Variants in TECRL observed in about 807,000 individuals in gnomAD.
TECRL encodes the protein trans-2,3-enoyl-CoA reductase like, also known as trans-2,3-enoyl-CoA reductase-like.
In TECRL, 63 loss-of-function variants were observed where a neutral mutation model predicts 52.8. The ratio of observed to expected loss-of-function variants is 1.19; its 90% CI spans 0.97 to 1.47. The LOEUF is 1.47. Ranked by LOEUF, TECRL falls within the 40% of genes most tolerant of loss-of-function variation. The pLI, the probability that TECRL is intolerant of heterozygous loss-of-function variation, is 0.00. For missense variants in TECRL, 482 were observed against 429.6 expected (o/e 1.12, Z -1.08); for synonymous variants, 164 against 141.9 (o/e 1.16, Z -1.10).
chr4:64,345,517 A>G (rs1719888268), intron 2 of TECRL, among the ~76,000 whole-genome samples: 2 of 126,402 alleles, frequency 1.6e-5, no homozygotes, highest in South Asian at 2.7e-4. Context: ...ACATGGACAC[A>G]GGAAGAGGAA....
At chr4:64,403,203 A>T (rs1186862472) in intron 1 of TECRL, among the ~76,000 whole-genome samples, 1 of 151,900 alleles carries the variant, frequency 6.6e-6, no homozygotes. Flanking sequence ...ATTGTTCTTT[A>T]CAAATGTATC....
At chr4:64,402,455 TA>T (rs1199138118) in intron 1 of TECRL, among the ~76,000 whole-genome samples, 15 of 152,178 alleles carry the variant, frequency 9.9e-5, no homozygotes, top group African/African-American at 3.4e-4. Flanking sequence ...CACTCCTAAC[TA>T]TTGGATTATA....
intron 1 of TECRL, among the ~76,000 whole-genome samples, chr4:64,395,375 A>G (rs576904469): frequency 1.2e-4 from 18 of 152,286 alleles, no homozygotes; most frequent in African/African-American, 4.3e-4. Flanking sequence ...TAATTTTATG[A>G]GGAAAGAAAG....
At chr4:64,377,297 G>T (rs1042355857) in intron 1 of TECRL, among the ~76,000 whole-genome samples, 1 of 151,944 alleles carries the variant, frequency 6.6e-6, no homozygotes, top group African/African-American at 2.4e-5. Context: ...CCACAGGATT[G>T]TACTTGATCT....
chr4:64,363,080 C>T (rs984473384), intron 2 of TECRL, among the ~76,000 whole-genome samples: 1 of 151,098 alleles, frequency 6.6e-6, no homozygotes, highest in African/African-American at 2.4e-5. Context: ...CAACAACTAT[C>T]AAAAAGTACA....
At chr4:64,282,514 C>G (rs961909542) in intron 9 of TECRL, among the ~76,000 whole-genome samples, 1 of 151,852 alleles carries the variant, frequency 6.6e-6, no homozygotes, top group African/African-American at 2.4e-5. Context: ...TTTGTTATTA[C>G]TGATTTTTTA....
At chr4:64,303,200 T>C (rs1199090478) in intron 7 of TECRL, among the ~76,000 whole-genome samples, 1 of 150,518 alleles carries the variant, frequency 6.6e-6, no homozygotes, top group Non-Finnish European at 1.5e-5. Context: ...AAAGGGAAGT[T>C]TTTTTGCAGC....
At chr4:64,330,502 T>C (rs575842337) in intron 2 of TECRL, among the ~76,000 whole-genome samples, 10 of 152,170 alleles carry the variant, frequency 6.6e-5, no homozygotes, top group Admixed American at 3.3e-4. Flanking sequence ...TGTTAATTAA[T>C]GTTAAACTTT....
intron 4 of TECRL, among the ~76,000 whole-genome samples, chr4:64,321,052 G>A (rs969544510): frequency 1.3e-5 from 2 of 151,788 alleles, no homozygotes; most frequent in Non-Finnish European, 2.9e-5. Flanking sequence ...CTGCAAACAC[G>A]ACCATAGAAC....
intron 2 of TECRL, among the ~76,000 whole-genome samples, chr4:64,356,144 C>T (rs1426493300): frequency 1.3e-5 from 2 of 152,120 alleles, no homozygotes; most frequent in Non-Finnish European, 2.9e-5. Flanking sequence ...TCTCTAATCT[C>T]GATAAACCAG....
intron 3 of TECRL, 149 bp from the exon 4 acceptor site, chr4:64,322,941 G>GGCATTGTTCACATTTTGTTT: frequency 1.6e-6 from 1 of 630,990 alleles, no homozygotes; most frequent in Non-Finnish European, 2.7e-6. Flanking sequence ...AAAACAAAAT[G>GGCATTGTTCACATTTTGTTT]TGAACAATGC....
chr4:64,286,666 C>T (rs1300049537), intron 9 of TECRL, among the ~76,000 whole-genome samples: 2 of 151,778 alleles, frequency 1.3e-5, no homozygotes, highest in Non-Finnish European at 2.9e-5. Flanking sequence ...ACCTGCACAT[C>T]GAAGCAAAAA....
At chr4:64,335,458 T>C (rs751824496) in intron 2 of TECRL, among the ~76,000 whole-genome samples, 33 of 152,192 alleles carry the variant, frequency 2.2e-4, no homozygotes, top group Non-Finnish European at 4.7e-4. Context: ...AGCTACATAA[T>C]TATTACATTA....
intron 2 of TECRL, among the ~76,000 whole-genome samples, chr4:64,365,851 A>ACATT (rs1721564733): frequency 1.3e-5 from 2 of 152,108 alleles, no homozygotes; most frequent in African/African-American, 4.8e-5. Context: ...ACTACCAATG[A>ACATT]CATGTTTTCA....
intron 2 of TECRL, among the ~76,000 whole-genome samples, chr4:64,364,555 G>A (rs1721460174): frequency 6.6e-6 from 1 of 151,794 alleles, no homozygotes. Flanking sequence ...AAACAAACAT[G>A]AGCAGAAATG....
intron 1 of TECRL, among the ~76,000 whole-genome samples, chr4:64,388,146 T>G (rs970730642): frequency 6.6e-6 from 1 of 151,642 alleles, no homozygotes; most frequent in Non-Finnish European, 1.5e-5. Context: ...TTTAGTGTAG[T>G]TTATAGTTTT....
intron 2 of TECRL, among the ~76,000 whole-genome samples, chr4:64,357,439 T>A (rs1287772950): frequency 6.6e-6 from 1 of 151,504 alleles, no homozygotes; most frequent in Non-Finnish European, 1.5e-5. Flanking sequence ...GGTAAAAAAA[T>A]GGACAAATCA....
At chr4:64,407,202 C>G (rs898043091) in intron 1 of TECRL, among the ~76,000 whole-genome samples, 2 of 151,942 alleles carry the variant, frequency 1.3e-5, no homozygotes, top group Non-Finnish European at 1.5e-5. Flanking sequence ...TATGAGCTAT[C>G]CAGTGTTAAT....
In TECRL at chr4:64,314,736, G is replaced by C. The variant is rs752222821; in HGVS notation, c.463C>G (p.Leu155Val). Residue 155 changes from leucine (L) to valine (V), a missense_variant, in exon 5 of 12, where the codon CTG (leucine) becomes GTG (valine). By Grantham distance (32) the Leu-to-Val change is conservative. Coordinates refer to ENST00000381210, the MANE Select transcript of TECRL (RefSeq NM_001010874.5). Reference protein sequence around the residue: ...TVFLAEYTGPLLIYLLFYLRI... With the variant: ...TVFLAEYTGPVLIYLLFYLRI... Reference sequence around the variant, plus strand: ...AAATAAAAGAGGAGGTATATTAGCAGAGGTCCTGTGTATTCAGCCAAAAAC... The same window carrying C: ...AAATAAAAGAGGAGGTATATTAGCACAGGTCCTGTGTATTCAGCCAAAAAC... 47 of 1,613,426 alleles carry C rather than the reference G, an allele frequency of 2.9e-5. No individual in the cohort carries two copies. Among genetic ancestry groups the C allele is most frequent in the Middle Eastern group, 3.3e-4 (2 of 6,082 alleles).
Sources: allele counts gnomAD v4.1 joint callset (sites outside exome capture counted in the v4.1 genomes callset), GRCh38; gene constraint gnomAD v4.1.1; transcripts MANE v1.5; gene names NCBI Gene and HGNC (gene_info 2026-07-23, HGNC 2026-07-21).